The following FAAH2 variants were observed in gnomAD, a reference collection of about 807,000 sequenced individuals.
FAAH2 encodes fatty-acid amide hydrolase 2.
FAAH2 carries 60 observed loss-of-function variants against 36.9 expected under a neutral mutation model. The observed-to-expected ratio is 1.63, with a 90% CI of 1.32 to 2.02. The LOEUF (loss-of-function observed/expected upper bound fraction) is 2.02, where lower values mean the gene tolerates loss of function less well. Among genes scored for constraint, FAAH2 ranks in the 30% most tolerant of loss-of-function variants. FAAH2 has a pLI of 0.00. For missense variants in FAAH2, 689 were observed against 397.5 expected, an observed-to-expected ratio of 1.73 and a Z score of -6.23; for synonymous variants, 214 against 143.8, an observed-to-expected ratio of 1.49 and a Z score of -3.49.
At chrX:57,367,221 A>G (rs1165126660) in intron 5 of FAAH2, among the ~76,000 whole-genome samples, 2 of 112,680 alleles carry the variant, frequency 1.8e-5, no homozygotes, top group Admixed American at 1.9e-4. Context: ...TCAGCATCTA[A>G]GGTTAACTTA....
the FAAH2 span, among the ~76,000 whole-genome samples, chrX:57,261,540 G>A: frequency 1.1e-4 from 8 of 72,807 alleles, no homozygotes; most frequent in African/African-American, 2.2e-4. Context: ...GCAACAGAGC[G>A]AGACTCTGTC....
intron 7 of FAAH2, among the ~76,000 whole-genome samples, chrX:57,422,998 G>A (rs1225449649): frequency 8.9e-6 from 1 of 111,991 alleles, no homozygotes; most frequent in Non-Finnish European, 1.9e-5. Context: ...AAGAGGGGGA[G>A]AGAATTTCTC....
chrX:57,275,078 T>A, the FAAH2 span, among the ~76,000 whole-genome samples: 1 of 111,912 alleles, frequency 8.9e-6, no homozygotes, highest in Non-Finnish European at 1.9e-5. Flanking sequence ...AAAATCAATG[T>A]GCAAAAATCA....
At chrX:57,334,218 C>T (rs1449326879) in intron 4 of FAAH2, among the ~76,000 whole-genome samples, 2 of 106,445 alleles carry the variant, frequency 1.9e-5, no homozygotes, top group Admixed American at 1.0e-4. Flanking sequence ...TGCAGTGAGC[C>T]GAGATCATGC....
In FAAH2 at chrX:57,488,964, T is replaced by G; in HGVS notation, c.*32T>G. ...CTTCTGCAAGGTTAATGTGTGTGTG[T>G]GTTTGTGTTCGTGTGGTGGTGTTTC... On this transcript the variant is annotated 3_prime_UTR_variant, in exon 11 of 11. Transcript: ENST00000374900. The G allele has an allele frequency of 3.4e-6, 4 of 1,170,450 alleles. No homozygotes were observed. Among genetic ancestry groups the G allele is most frequent in the Non-Finnish European group, 3.4e-6 (3 of 874,169 alleles).
At chrX:57,171,466 G>A in the FAAH2 span, among the ~76,000 whole-genome samples, 1 of 111,689 alleles carries the variant, frequency 9.0e-6, no homozygotes, top group Admixed American at 9.5e-5. Flanking sequence ...CTTGGTTAAG[G>A]TGGTATCTCA....
At chrX:57,263,830 G>A in the FAAH2 span, among the ~76,000 whole-genome samples, 1 of 111,528 alleles carries the variant, frequency 9.0e-6, no homozygotes, top group Non-Finnish European at 1.9e-5. Flanking sequence ...AGACTGTGTG[G>A]TATTGGAGGA....
intron 7 of FAAH2, chrX:57,392,870 A>T (rs1047738159): frequency 2.6e-6 from 2 of 782,337 alleles, no homozygotes; most frequent in African/African-American, 4.1e-5. Context: ...AGATGGGGAG[A>T]TTCCCAAAGC....
the FAAH2 span, among the ~76,000 whole-genome samples, chrX:57,202,328 A>C: frequency 2.2e-4 from 25 of 112,096 alleles, no homozygotes; most frequent in East Asian, 7.1e-3. Context: ...TGGTAATATA[A>C]TCTTTATCTG....
the FAAH2 span, among the ~76,000 whole-genome samples, chrX:57,248,132 T>C: frequency 8.9e-6 from 1 of 112,064 alleles, no homozygotes; most frequent in Non-Finnish European, 1.9e-5. Flanking sequence ...TAAACAAAGA[T>C]TCAATTTAAT....
chrX:57,459,799 C>T (rs759083980), intron 10 of FAAH2, among the ~76,000 whole-genome samples: 42 of 111,928 alleles, frequency 3.8e-4, no homozygotes, highest in Non-Finnish European at 6.6e-4. Context: ...GCAACAACAT[C>T]AACATCAGCA....
chrX:57,129,295 A>G, the FAAH2 span, among the ~76,000 whole-genome samples: 14,681 of 111,117 alleles, frequency 0.13, 2,000 homozygotes, highest in African/African-American at 0.42. Context: ...GATCTAGTCA[A>G]TAAATGCATG....
At chrX:57,237,535 G>C in the FAAH2 span, among the ~76,000 whole-genome samples, 56 of 110,477 alleles carry the variant, frequency 5.1e-4, no homozygotes, top group Non-Finnish European at 8.2e-4. Context: ...TTGGTGAAGA[G>C]AAATTTCATG....
At chrX:57,389,236 G>A (rs1407309211) in intron 7 of FAAH2, among the ~76,000 whole-genome samples, 2 of 92,954 alleles carry the variant, frequency 2.2e-5, no homozygotes, top group African/African-American at 7.6e-5. Flanking sequence ...CCTAATTTTA[G>A]TACCCTTACA....
chrX:57,221,924 C>G, the FAAH2 span, among the ~76,000 whole-genome samples: 2 of 110,768 alleles, frequency 1.8e-5, no homozygotes, highest in African/African-American at 3.3e-5. Context: ...GCTGTCCACT[C>G]TCTTTCAATG....
chrX:57,192,513 T>C, the FAAH2 span, among the ~76,000 whole-genome samples: 14 of 111,874 alleles, frequency 1.3e-4, no homozygotes, highest in Non-Finnish European at 2.4e-4. Context: ...AAAGTGAGTA[T>C]CCTTGTTGTG....
At chrX:57,237,956 C>A in the FAAH2 span, among the ~76,000 whole-genome samples, 2 of 111,566 alleles carry the variant, frequency 1.8e-5, no homozygotes, top group African/African-American at 3.3e-5. Flanking sequence ...GAGATACCAT[C>A]TCACACCAGT....
intron 6 of FAAH2, among the ~76,000 whole-genome samples, chrX:57,380,671 C>G (rs1449020655): frequency 2.7e-5 from 3 of 111,987 alleles, no homozygotes; most frequent in Non-Finnish European, 3.8e-5. Context: ...GAACTACCAC[C>G]AAAACATTTT....
At chrX:57,252,076 C>A in the FAAH2 span, among the ~76,000 whole-genome samples, 1 of 112,875 alleles carries the variant, frequency 8.9e-6, no homozygotes, top group South Asian at 3.6e-4. Context: ...GGAGACCTGC[C>A]TGGCTTGGTG....
Sources: allele counts gnomAD v4.1 joint callset (sites outside exome capture counted in the v4.1 genomes callset), GRCh38; gene constraint gnomAD v4.1.1; transcripts MANE v1.5; gene names NCBI Gene and HGNC (gene_info 2026-07-23, HGNC 2026-07-21).